KCNC4: variants seen among roughly 807,000 people sequenced by gnomAD.
The protein encoded by KCNC4 is voltage-gated potassium channel KCNC4.
In KCNC4, 23 loss-of-function variants were observed where a neutral mutation model predicts 42.8. The ratio of observed to expected loss-of-function variants is 0.54; its 90% confidence interval spans 0.39 to 0.76. KCNC4 has a LOEUF of 0.76. Among genes scored for constraint, KCNC4 ranks in the 30% least tolerant of loss-of-function variants. The probability of loss-of-function intolerance (pLI) is 0.00; values close to 1 mark genes in which losing one functional copy is unlikely to be tolerated. For missense variants in KCNC4, 751 were observed against 898.2 expected, an observed-to-expected ratio of 0.84 and a Z score of 2.10; for synonymous variants, 422 against 393.5, an observed-to-expected ratio of 1.07 and a Z score of -0.86.
Position 110,210,630 on chromosome 1 carries a change from C to T in KCNC4, c.-870C>T, listed in dbSNP as rs1657382055. Among the ~76,000 whole-genome samples, 1 of 151,400 alleles carries T rather than the reference C, an allele frequency of 6.6e-6. No individual in the cohort carries two copies. Among genetic ancestry groups the T allele is most frequent in the South Asian group, 2.1e-4 (1 of 4,832 alleles). ...ACCTTCGCCAGTGCCCAGAGCCCGG[C>T]TCCCCAGAGCGGCCCCGCCCCCCAG... On this transcript the variant is annotated 5_prime_UTR_variant, in exon 1 of 4. Coordinates refer to ENST00000438661, the MANE Select transcript of KCNC4 (RefSeq NM_001039574.3).
At chr1:110,239,056 A>C (rs2101052454) in exon 4 of KCNC4, 1 of 152,072 alleles carries the variant, frequency 6.6e-6, no homozygotes, top group Non-Finnish European at 1.5e-5. Flanking sequence ...CCCAGTCACC[A>C]GAGAGAGAGC....
chr1:110,268,131 GAGATTTTTTTTC>G (rs1659574692), intron 1 of KCNC4, among the ~76,000 whole-genome samples: 1 of 152,072 alleles, frequency 6.6e-6, no homozygotes, highest in Admixed American at 6.5e-5. Flanking sequence ...AGATATTTTT[GAGATTTTTTTTC>G]AGATTTGGCA....
chr1:110,213,170 T>TAAAAAAAAAAAA lies in KCNC4; in HGVS notation c.678+1009_678+1020dup, dbSNP rs760587471. Among the ~76,000 whole-genome samples, 91 of 50,844 alleles carry TAAAAAAAAAAAA rather than the reference T, an allele frequency of 1.8e-3. 7 individuals carry two copies. Among genetic ancestry groups the TAAAAAAAAAAAA allele is most frequent in the African/African-American group, 7.2e-3 (82 of 11,398 alleles). The allele number at this position is 50,844 out of a possible 152,430, so 33.4% of individuals were successfully genotyped here. On this transcript the variant is annotated intron_variant, in intron 1 of 3. Coordinates refer to ENST00000438661, the MANE Select transcript of KCNC4 (RefSeq NM_001039574.3). Reference sequence around the variant, plus strand: ...GCTTCCCCCATTATGCTTCGACAGCTAAAAAAAAAAAAAAAAAAAAAAAAA... The same window carrying TAAAAAAAAAAAA: ...GCTTCCCCCATTATGCTTCGACAGCTAAAAAAAAAAAAAAAAAAAAAAAAAAAAAAAAAAAAA...
At chr1:110,251,009 G>A (rs1052729692), downstream of KCNC4, among the ~76,000 whole-genome samples, 5 of 152,186 alleles carry the variant, frequency 3.3e-5, no homozygotes, top group African/African-American at 1.2e-4. Context: ...GCAGAGAGGG[G>A]AGACAGGTCC....
At chr1:110,265,386 ATAAAATAAAATAAAAT>A (rs1659522081) in intron 1 of KCNC4, among the ~76,000 whole-genome samples, 1 of 137,200 alleles carries the variant, frequency 7.3e-6, no homozygotes, top group South Asian at 2.5e-4. Context: ...ATAAAATAAA[ATAAAATAAAATAAAAT>A]AAAATAAAAT....
rs1056390603 is a variant in KCNC4 at position 110,233,696 on chromosome 1, A to G, written c.*724A>G. ...TGTTGTCAAAGATGCTGCTGGGCAG[A>G]CAGGCAGGGAAAGGATCTGTCTGCC... is the stretch of plus-strand genomic sequence containing the variant. On this transcript the variant is annotated 3_prime_UTR_variant, in exon 4 of 4. Transcript: ENST00000438661. 2.0e-5 allele frequency: 3 copies of G among 152,534 alleles called. No homozygotes were observed. Among genetic ancestry groups the G allele is most frequent in the African/African-American group, 7.2e-5 (3 of 41,460 alleles). The allele number at this position is 152,534 out of a possible 1,614,324, so 9.4% of individuals were successfully genotyped here. A position where few individuals can be genotyped will look rare whatever the true frequency, so the allele number is the denominator to read the frequency against.
chr1:110,232,097 A>T lies in KCNC4; in HGVS notation c.1820-814A>T, dbSNP rs1658720277. On this transcript the variant is annotated intron_variant, in intron 3 of 3. Coordinates refer to ENST00000438661, the MANE Select transcript of KCNC4 (RefSeq NM_001039574.3). Reference sequence around the variant, plus strand: ...TGCCCTACCTGTGCTCCCACTGGTAAGGTAGGGGAAGGAAAGGCCCAGGTG... The same window carrying T: ...TGCCCTACCTGTGCTCCCACTGGTATGGTAGGGGAAGGAAAGGCCCAGGTG... 7.3e-6 allele frequency: 6 copies of T among 825,888 alleles called. No individual in the cohort carries two copies. In the East Asian group the frequency reaches 1.7e-4, roughly 23 times the overall value. 51.2% of individuals were successfully genotyped at this position (825,888 alleles called of 1,614,324 possible).
At chr1:110,229,448 C>T (rs1234258751) in intron 3 of KCNC4, among the ~76,000 whole-genome samples, 1 of 152,180 alleles carries the variant, frequency 6.6e-6, no homozygotes, top group Non-Finnish European at 1.5e-5. Flanking sequence ...CTGGCGGCAC[C>T]TGGTGTCCCT....
At chr1:110,267,706 G>A (rs1275491275) in intron 1 of KCNC4, among the ~76,000 whole-genome samples, 1 of 152,200 alleles carries the variant, frequency 6.6e-6, no homozygotes, top group Admixed American at 6.5e-5. Context: ...GGAAGGGACT[G>A]AAATCGCCTT....
At chr1:110,257,274 T>A (rs565143412) in intron 1 of KCNC4, among the ~76,000 whole-genome samples, 1 of 152,202 alleles carries the variant, frequency 6.6e-6, no homozygotes, top group African/African-American at 2.4e-5. Context: ...TACAGGCCAC[T>A]GATGTGACTG....
chr1:110,239,259 C>T (rs895600049), exon 4 of KCNC4: 4 of 152,504 alleles, frequency 2.6e-5, no homozygotes, highest in South Asian at 2.1e-4. Context: ...AGCTCACTTT[C>T]CTGTCAGTTT....
At chr1:110,267,875 C>A (rs2101082286) in intron 1 of KCNC4, among the ~76,000 whole-genome samples, 1 of 152,260 alleles carries the variant, frequency 6.6e-6, no homozygotes, top group East Asian at 1.9e-4. Context: ...AGAAAAACTG[C>A]CCCTTCCTTG....
chr1:110,280,784 G>A lies in KCNC4; in HGVS notation n.31-1750G>A, dbSNP rs538523067. On this transcript the variant is annotated intron_variant and non_coding_transcript_variant, in intron 1 of 2. Coordinates refer to the KCNC4 transcript ENST00000412512. ...AAATTCATATTTAATTGGGTGTCTT[G>A]TATTTTATGTAGCAATTCTATCTAC... is the stretch of plus-strand genomic sequence containing the variant. 5.9e-5 allele frequency among the ~76,000 whole-genome samples: 9 copies of A among 152,262 alleles called. No homozygotes were observed. In the South Asian group the frequency reaches 1.9e-3, roughly 32 times the overall value.
At position 110,211,390 on chromosome 1, in the gene KCNC4, C is replaced by T; in HGVS notation, c.-110C>T. The T allele has an allele frequency of 6.9e-7, 1 of 1,446,158 alleles. No homozygotes were observed. The highest frequency in any genetic ancestry group is 9.2e-7 in the Non-Finnish European group (1 of 1,084,936). 89.6% of individuals were successfully genotyped at this position (1,446,158 alleles called of 1,614,324 possible). A position where few individuals can be genotyped will look rare whatever the true frequency, so the allele number is the denominator to read the frequency against. ...CAAGCCGCAGAGGGGGCCGCCACCG[C>T]CTCCTGCCTCCTCTTCGTCTCCTCC... On this transcript the variant is annotated 5_prime_UTR_variant, in exon 1 of 4. Transcript: ENST00000438661. The surrounding 1 kb of genome is among the most constrained non-coding windows in gnomAD (Gnocchi z 6.5).
downstream of KCNC4, chr1:110,238,219 G>C (rs1658951995): frequency 6.6e-6 from 1 of 152,232 alleles, no homozygotes; most frequent in African/African-American, 2.4e-5. Flanking sequence ...TTACTTGCCT[G>C]CTTCTCCAGG....
chr1:110,230,860 A>C (rs1658658488), intron 3 of KCNC4, among the ~76,000 whole-genome samples: 1 of 152,234 alleles, frequency 6.6e-6, no homozygotes, highest in South Asian at 2.1e-4. Flanking sequence ...GAACCCCTGC[A>C]TACCAGGCAC....
chr1:110,227,364 G>C (rs954467569), intron 3 of KCNC4, among the ~76,000 whole-genome samples: 1 of 152,184 alleles, frequency 6.6e-6, no homozygotes, highest in Non-Finnish European at 1.5e-5. Flanking sequence ...CCCCATGGAA[G>C]CCCCAGGCCA....
chr1:110,212,124 C>A lies in KCNC4; in HGVS notation c.625C>A (p.Gln209Lys). 6.7e-7 allele frequency: 1 copy of A among 1,502,858 alleles called. No homozygotes were observed. The highest frequency in any genetic ancestry group is 8.8e-7 in the Non-Finnish European group (1 of 1,142,324). The allele number at this position is 1,502,858 out of a possible 1,614,324, so 93.1% of individuals were successfully genotyped here. A position where few individuals can be genotyped will look rare whatever the true frequency, so the allele number is the denominator to read the frequency against. Residue 209 changes from glutamine to lysine, a missense_variant, in exon 1 of 4, where the codon CAG becomes AAG. Coordinates refer to ENST00000438661, the MANE Select transcript of KCNC4 (RefSeq NM_001039574.3). ...CGGGTCTGGGGGCTGCCGCGGCTGG[C>A]AGCCCCGCATGTGGGCGCTCTTCGA... ...GAGSGGCRGW[Q>K]PRMWALFEDP...
At chr1:110,258,533 G>T (rs1659374568) in intron 1 of KCNC4, among the ~76,000 whole-genome samples, 1 of 152,102 alleles carries the variant, frequency 6.6e-6, no homozygotes, top group Non-Finnish European at 1.5e-5. Context: ...ACAGTGCCTG[G>T]CCATTTCCTG....
Sources: allele counts gnomAD v4.1 joint callset (sites outside exome capture counted in the v4.1 genomes callset), GRCh38; gene constraint gnomAD v4.1.1; non-coding constraint Gnocchi (gnomAD v3.1); transcripts MANE v1.5; gene names NCBI Gene and HGNC (gene_info 2026-07-23, HGNC 2026-07-21).